BLK: variants seen among roughly 807,000 people sequenced by gnomAD.
BLK encodes BLK proto-oncogene, Src family tyrosine kinase, also known as tyrosine-protein kinase Blk.
BLK carries 64 observed loss-of-function variants against 61.8 expected under a neutral mutation model. The observed-to-expected ratio is 1.03, with a 90% CI of 0.85 to 1.27. BLK has a LOEUF of 1.27. Among genes scored for constraint, BLK ranks in the 50% most tolerant of loss-of-function variants. The pLI is 0.00. For missense variants in BLK, 853 were observed against 660.5 expected (o/e 1.29, Z -3.19); for synonymous variants, 351 against 272.0 (o/e 1.29, Z -2.86).
At chr8:11,523,387 C>G (rs1456790072) in intron 1 of BLK, among the ~76,000 whole-genome samples, 1 of 152,056 alleles carries the variant, frequency 6.6e-6, no homozygotes, top group Non-Finnish European at 1.5e-5. Context: ...TACCCCGTCT[C>G]TACTAAAAAG....
chr8:11,496,330 C>A lies in BLK; in HGVS notation c.-2+1739C>A, dbSNP rs142353536. 1.9e-3 allele frequency among the ~76,000 whole-genome samples: 295 copies of A among 152,306 alleles called. 1 individual carries two copies. The highest frequency in any genetic ancestry group is 0.01 in the Middle Eastern group (3 of 294). On this transcript the variant is annotated intron_variant, in intron 1 of 12. Coordinates refer to ENST00000259089, the MANE Select transcript of BLK (RefSeq NM_001715.3). Reference sequence around the variant, plus strand: ...TCATCGCTCACTGCAGCACTGACCTCCTGGGCTCAAGCGATCCTCCCAACT... The same window carrying A: ...TCATCGCTCACTGCAGCACTGACCTACTGGGCTCAAGCGATCCTCCCAACT...
rs1418051817 is a variant in BLK at position 11,563,907 on chromosome 8, GAGCA to G, written c.1319_1322del (p.Ser440ThrfsTer143). 1 of 1,608,758 alleles carries G rather than the reference GAGCA, an allele frequency of 6.2e-7. No individual in the cohort carries two copies. The highest frequency in any genetic ancestry group is 8.5e-7 in the Non-Finnish European group (1 of 1,179,398). ...TTGCGGTCTCCTCTGCCGCAGGGAT[GAGCA>G]ACCCCGAGGTCATCCGCAACCTGGA... On this transcript the variant is annotated frameshift_variant, in exon 13 of 13. Coordinates refer to ENST00000259089, the MANE Select transcript of BLK (RefSeq NM_001715.3). LOFTEE classifies it high-confidence loss of function.
chr8:11,562,828 G>A (rs1801552064), intron 11 of BLK, 151 bp from the exon 12 acceptor site: 1 of 969,772 alleles, frequency 1.0e-6, no homozygotes, highest in East Asian at 2.5e-5. Context: ...GTGTGCGGTA[G>A]TGGCTCCCCC....
chr8:11,521,922 A>G (rs1285012935), intron 1 of BLK, among the ~76,000 whole-genome samples: 1 of 152,118 alleles, frequency 6.6e-6, no homozygotes, highest in East Asian at 1.9e-4. Flanking sequence ...TTTCTTATGC[A>G]TAAAATTTTG....
At chr8:11,511,959 G>C (rs1329864899) in intron 1 of BLK, among the ~76,000 whole-genome samples, 1 of 152,086 alleles carries the variant, frequency 6.6e-6, no homozygotes. Context: ...ATTTTCTTAC[G>C]TTTGGGTTTT....
chr8:11,539,446 T>G (rs965070059), intron 1 of BLK, among the ~76,000 whole-genome samples: 1 of 152,222 alleles, frequency 6.6e-6, no homozygotes, highest in African/African-American at 2.4e-5. Context: ...GTTTGGGATT[T>G]TTTTTCGGGG....
rs1162040273 is a variant in BLK at position 11,543,377 on chromosome 8, A to C, written c.123+30A>C. On this transcript the variant is annotated intron_variant, in intron 2 of 12. Coordinates refer to ENST00000259089, the MANE Select transcript of BLK (RefSeq NM_001715.3). ...GTGATTGCCCACCCCCACCAAGAGC[A>C]GATTACTTACTTCTCCTATGCCTTA... is the stretch of plus-strand genomic sequence containing the variant. 3 of 1,610,776 alleles carry C rather than the reference A, an allele frequency of 1.9e-6. No homozygotes were observed. In the African/African-American group the frequency reaches 4.0e-5, roughly 21 times the overall value.
At chr8:11,535,306 A>AAGAAAGAAAGAAAGAG (rs1800084603) in intron 1 of BLK, among the ~76,000 whole-genome samples, 4 of 145,888 alleles carry the variant, frequency 2.7e-5, no homozygotes, top group African/African-American at 9.9e-5. Flanking sequence ...GAAAGAAAGA[A>AAGAAAGAAAGAAAGAG]AGAAAGAAAG....
chr8:11,513,733 CAG>C (rs1799113406), intron 1 of BLK, among the ~76,000 whole-genome samples: 3 of 152,218 alleles, frequency 2.0e-5, no homozygotes, highest in African/African-American at 7.2e-5. Flanking sequence ...AATAGTTAGC[CAG>C]AGTTATAGAG....
chr8:11,562,851 C>G, intron 11 of BLK, 128 bp from the exon 12 acceptor site: 1 of 1,333,386 alleles, frequency 7.5e-7, no homozygotes, highest in South Asian at 1.3e-5. Flanking sequence ...CATGCCTGGC[C>G]GCCCCGCCCT....
Position 11,561,289 on chromosome 8 carries a change from C to T in BLK, c.1030-13C>T, listed in dbSNP as rs761432905. 1.9e-6 allele frequency: 3 copies of T among 1,611,474 alleles called. No individual in the cohort carries two copies. The highest frequency in any genetic ancestry group is 2.2e-5 in the East Asian group (1 of 44,788). On this transcript the variant is annotated splice_polypyrimidine_tract_variant and intron_variant, in intron 10 of 12. Transcript: ENST00000259089. Reference sequence around the variant, plus strand: ...CCCCCAGGCTGTCCTTCACCATGTGCCTGTTCCCTCAGATTGCTGAAGGGA... The same window carrying T: ...CCCCCAGGCTGTCCTTCACCATGTGTCTGTTCCCTCAGATTGCTGAAGGGA...
At chr8:11,504,177 CTGGGTGTGG>C (rs1439058394) in intron 1 of BLK, among the ~76,000 whole-genome samples, 1 of 152,044 alleles carries the variant, frequency 6.6e-6, no homozygotes, top group Non-Finnish European at 1.5e-5. Flanking sequence ...CAAAAATTAG[CTGGGTGTGG>C]TGGTGTGCGA....
At chr8:11,512,430 A>G (rs530912443) in intron 1 of BLK, among the ~76,000 whole-genome samples, 8 of 152,364 alleles carry the variant, frequency 5.3e-5, no homozygotes, top group African/African-American at 1.7e-4. Context: ...CATCTGACAC[A>G]GATGTGGATA....
At chr8:11,498,591 T>C (rs565547154) in intron 1 of BLK, among the ~76,000 whole-genome samples, 2 of 152,178 alleles carry the variant, frequency 1.3e-5, no homozygotes, top group African/African-American at 4.8e-5. Context: ...AGTGGTCTCG[T>C]CCTGCAGTGT....
chr8:11,550,691 C>A (rs558419590), intron 6 of BLK, among the ~76,000 whole-genome samples: 2 of 152,346 alleles, frequency 1.3e-5, no homozygotes, highest in African/African-American at 4.8e-5. Flanking sequence ...TGGCCTGTGC[C>A]GTGATGTAAG....
intron 9 of BLK, among the ~76,000 whole-genome samples, chr8:11,557,447 C>T (rs1431358845): frequency 6.6e-6 from 1 of 152,198 alleles, no homozygotes; most frequent in African/African-American, 2.4e-5. Context: ...TCTAGCCTGC[C>T]CCTAGGGCAA....
At chr8:11,545,947 A>G (rs1800614015) in intron 2 of BLK, 105 bp from the exon 3 acceptor site, 1 of 1,186,930 alleles carries the variant, frequency 8.4e-7, no homozygotes, top group Non-Finnish European at 1.3e-6. Context: ...CTCCTTCAGT[A>G]GGTCCCTGGA....
At chr8:11,542,431 G>C (rs1319400997) in intron 1 of BLK, among the ~76,000 whole-genome samples, 1 of 152,198 alleles carries the variant, frequency 6.6e-6, no homozygotes, top group East Asian at 1.9e-4. Context: ...GTAAGTGCAG[G>C]AGTGCAGTGG....
At chr8:11,505,225 C>G (rs1262058496) in intron 1 of BLK, among the ~76,000 whole-genome samples, 10 of 152,220 alleles carry the variant, frequency 6.6e-5, no homozygotes, top group Non-Finnish European at 1.5e-4. Context: ...GTTTCCTAAA[C>G]CTCATCTATT....
Sources: gnomAD v4.1 joint callset for allele counts (sites outside exome capture counted in the v4.1 genomes callset) on GRCh38, gnomAD v4.1.1 for gene constraint, MANE v1.5 for transcripts, NCBI Gene and HGNC (gene_info 2026-07-23, HGNC 2026-07-21) for gene names.